The following NRXN3 variants were observed in gnomAD, a reference collection of about 807,000 sequenced individuals.
The protein encoded by NRXN3 is neurexin 3.
In NRXN3, 32 loss-of-function variants were observed where a neutral mutation model predicts 137.6. That is an observed-to-expected ratio of 0.23 (90% CI 0.18 to 0.31). The LOEUF (loss-of-function observed/expected upper bound fraction) is 0.31, where lower values mean the gene tolerates loss of function less well. NRXN3 is among the 10% of genes least tolerant of loss of function. The probability of loss-of-function intolerance (pLI) is 1.00; values close to 1 mark genes in which losing one functional copy is unlikely to be tolerated. For missense variants in NRXN3, 1,574 were observed against 2,062.5 expected (o/e 0.76, Z 4.59); for synonymous variants, 798 against 784.5 (o/e 1.02, Z -0.29).
intron 15 of NRXN3, among the ~76,000 whole-genome samples, chr14:79,214,510 TGATA>T (rs1202133156): frequency 6.6e-6 from 1 of 152,200 alleles, no homozygotes; most frequent in Non-Finnish European, 1.5e-5. Context: ...ATATTTGAGA[TGATA>T]GATAGGCCAA....
chr14:78,751,173 T>C (rs2098639916), intron 8 of NRXN3, among the ~76,000 whole-genome samples: 3 of 152,136 alleles, frequency 2.0e-5, no homozygotes, highest in Admixed American at 2.0e-4. Context: ...ATCTCTGCAT[T>C]ATGGTTCTCT....
At chr14:79,232,046 G>T (rs557062088) in intron 15 of NRXN3, among the ~76,000 whole-genome samples, 1 of 152,146 alleles carries the variant, frequency 6.6e-6, no homozygotes, top group Non-Finnish European at 1.5e-5. Context: ...ATTGGAAAGG[G>T]AAGGAACATA....
chr14:79,569,905 G>A (rs994571460), intron 16 of NRXN3, among the ~76,000 whole-genome samples: 4 of 152,040 alleles, frequency 2.6e-5, no homozygotes, highest in African/African-American at 9.7e-5. Flanking sequence ...CACTGTGCCT[G>A]GCCAACAGAA....
At chr14:78,749,903 C>G (rs529175185) in intron 8 of NRXN3, among the ~76,000 whole-genome samples, 2 of 152,328 alleles carry the variant, frequency 1.3e-5, no homozygotes, top group Admixed American at 6.5e-5. Context: ...CTTGTCCTGT[C>G]TCATCAAGAA....
intron 15 of NRXN3, among the ~76,000 whole-genome samples, chr14:79,135,021 C>G (rs930964551): frequency 2.6e-5 from 4 of 152,116 alleles, no homozygotes; most frequent in Admixed American, 1.3e-4. Context: ...TTTTTTGCCA[C>G]TAAGGCTAAA....
chr14:79,711,136 A>AAAG (rs2098802533), intron 19 of NRXN3, among the ~76,000 whole-genome samples: 1 of 152,226 alleles, frequency 6.6e-6, no homozygotes. Context: ...AAGTTACAAT[A>AAAG]AAGTGATTGA....
intron 6 of NRXN3, chr14:78,697,820 A>C (rs1334390124): frequency 2.6e-5 from 4 of 152,022 alleles, no homozygotes; most frequent in Non-Finnish European, 4.4e-5. Flanking sequence ...GTTGGAAATC[A>C]TTCTGTTATC....
chr14:79,823,538 T>C (rs2099279235), intron 20 of NRXN3, among the ~76,000 whole-genome samples: 1 of 152,064 alleles, frequency 6.6e-6, no homozygotes, highest in Admixed American at 6.6e-5. Context: ...ATCACACCAC[T>C]GCACTCCAGC....
At chr14:78,294,945 G>T (rs1196348148) in intron 3 of NRXN3, among the ~76,000 whole-genome samples, 3 of 152,220 alleles carry the variant, frequency 2.0e-5, no homozygotes, top group African/African-American at 7.2e-5. Context: ...GTAGATACAT[G>T]AATTGTTTGG....
At chr14:79,850,294 GT>G (rs1431167436) in intron 20 of NRXN3, among the ~76,000 whole-genome samples, 1 of 152,138 alleles carries the variant, frequency 6.6e-6, no homozygotes, top group East Asian at 1.9e-4. Context: ...TCCCTGGGAA[GT>G]TTAAAATATA....
intron 15 of NRXN3, among the ~76,000 whole-genome samples, chr14:79,075,620 T>C (rs2045842952): frequency 6.6e-6 from 1 of 152,188 alleles, no homozygotes; most frequent in Admixed American, 6.5e-5. Context: ...TAAGTCTTCC[T>C]TTCTGTCCAA....
intron 4 of NRXN3, among the ~76,000 whole-genome samples, chr14:78,486,496 C>G (rs942917677): frequency 6.6e-6 from 1 of 152,116 alleles, no homozygotes; most frequent in South Asian, 2.1e-4. Flanking sequence ...AATACTTCTT[C>G]CTGGAGACAA....
At chr14:79,352,050 T>C (rs2093235401) in intron 15 of NRXN3, among the ~76,000 whole-genome samples, 1 of 152,194 alleles carries the variant, frequency 6.6e-6, no homozygotes. Context: ...TTAAGCAAGA[T>C]TGCATTCCCC....
rs2098414493 is a variant in NRXN3, at chr14:79,637,982, G to A, written c.3445-25796G>A. On this transcript the variant is annotated intron_variant, in intron 16 of 20. Transcript: ENST00000335750. ...TGACCTCAAGTGATCCACCTGCCTCGGCCTCCCAAAGTGCTGAGATTACAG... is the reference window on the plus strand; with the variant it reads ...TGACCTCAAGTGATCCACCTGCCTCAGCCTCCCAAAGTGCTGAGATTACAG... Among the ~76,000 whole-genome samples the A allele has an allele frequency of 3.3e-5, 5 of 151,722 alleles. No homozygotes were observed. The South Asian group carries it at 6.3e-4, about 19-fold the overall frequency.
chr14:78,482,783 A>G (rs2095494959), intron 4 of NRXN3, among the ~76,000 whole-genome samples: 1 of 152,218 alleles, frequency 6.6e-6, no homozygotes, highest in Non-Finnish European at 1.5e-5. Context: ...TTAACTTTTT[A>G]AAGGCACAGG....
intron 1 of NRXN3, among the ~76,000 whole-genome samples, chr14:78,230,309 T>A (rs887832568): frequency 6.7e-5 from 10 of 150,324 alleles, no homozygotes; most frequent in African/African-American, 2.5e-4. Flanking sequence ...CACCTCTGTC[T>A]CTGTCTCTGT....
intron 20 of NRXN3, among the ~76,000 whole-genome samples, chr14:79,850,664 C>G (rs2099389645): frequency 6.6e-6 from 1 of 152,000 alleles, no homozygotes; most frequent in Non-Finnish European, 1.5e-5. Flanking sequence ...CAGACATAAC[C>G]CAAACACATT....
chr14:78,948,702 T>C (rs570227215), intron 10 of NRXN3, among the ~76,000 whole-genome samples: 13 of 141,496 alleles, frequency 9.2e-5, no homozygotes, highest in Non-Finnish European at 1.7e-4. Context: ...GTCTTACAAA[T>C]ACTTTAAAGA....
intron 15 of NRXN3, among the ~76,000 whole-genome samples, chr14:79,450,458 C>A (rs1386252369): frequency 6.6e-6 from 1 of 152,146 alleles, no homozygotes; most frequent in African/African-American, 2.4e-5. Flanking sequence ...TAATAAGTAT[C>A]TGAGGTGATG....
Sources: allele counts gnomAD v4.1 joint callset (sites outside exome capture counted in the v4.1 genomes callset), GRCh38; gene constraint gnomAD v4.1.1; transcripts MANE v1.5; gene names NCBI Gene and HGNC (gene_info 2026-07-23, HGNC 2026-07-21).